MON2: variants seen among roughly 807,000 people sequenced by gnomAD.
The protein encoded by MON2 is MON2 regulator of endosome-to-Golgi trafficking.
A neutral mutation model predicts 208.6 loss-of-function variants in MON2; 84 were observed. That is an observed-to-expected ratio of 0.40 (90% CI 0.34 to 0.48). The LOEUF is 0.48. MON2 is among the 20% of genes least tolerant of loss of function. The probability of loss-of-function intolerance (pLI) is 0.59; values close to 1 mark genes in which losing one functional copy is unlikely to be tolerated. For missense variants in MON2, 1,611 were observed against 2,015.4 expected (o/e 0.80, Z 3.84); for synonymous variants, 660 against 694.0 (o/e 0.95, Z 0.77).
chr12:62,491,909 T>G (rs2070162461), intron 2 of MON2, among the ~76,000 whole-genome samples: 1 of 152,224 alleles, frequency 6.6e-6, no homozygotes. Flanking sequence ...GGATATTTAA[T>G]CATTTTATTG....
intron 23 of MON2, among the ~76,000 whole-genome samples, chr12:62,550,932 T>C (rs2073713627): frequency 7.2e-6 from 1 of 139,548 alleles, no homozygotes; most frequent in African/African-American, 2.7e-5. Flanking sequence ...TTTTTTTTTT[T>C]TTCTGAGACG....
intron 33 of MON2, among the ~76,000 whole-genome samples, chr12:62,586,055 G>C (rs2136487294): frequency 6.6e-6 from 1 of 152,272 alleles, no homozygotes; most frequent in South Asian, 2.1e-4. Context: ...AGGCTTTTCT[G>C]ATCAGCCAAG....
At chr12:62,518,989 T>TCTTATTTCTCTTATTTCTC (rs2071854862) in intron 8 of MON2, among the ~76,000 whole-genome samples, 1 of 152,236 alleles carries the variant, frequency 6.6e-6, no homozygotes, top group African/African-American at 2.4e-5. Flanking sequence ...CTTATTTCTC[T>TCTTATTTCTCTTATTTCTC]GTATTTTCTT....
chr12:62,470,351 C>T (rs2068733673), intron 1 of MON2, among the ~76,000 whole-genome samples: 1 of 152,018 alleles, frequency 6.6e-6, no homozygotes, highest in East Asian at 1.9e-4. Context: ...TTTTTCCTAC[C>T]TTACTGTTTT....
intron 1 of MON2, among the ~76,000 whole-genome samples, chr12:62,478,915 T>G (rs1475586936): frequency 6.6e-6 from 1 of 152,162 alleles, no homozygotes; most frequent in Admixed American, 6.5e-5. Flanking sequence ...ACTTCATGGC[T>G]GATTAGACTT....
chr12:62,571,091 A>G (rs1437990711), intron 29 of MON2, among the ~76,000 whole-genome samples: 4 of 152,142 alleles, frequency 2.6e-5, no homozygotes, highest in Non-Finnish European at 5.9e-5. Context: ...TCCTTCTCTT[A>G]ACTTTTCAGA....
intron 19 of MON2, among the ~76,000 whole-genome samples, chr12:62,539,046 A>G (rs573705992): frequency 4.6e-5 from 7 of 152,262 alleles, no homozygotes; most frequent in Admixed American, 1.3e-4. Flanking sequence ...ATACTACTAA[A>G]AATATCACTT....
chr12:62,516,200 G>A (rs568588829), intron 8 of MON2, among the ~76,000 whole-genome samples: 3 of 152,230 alleles, frequency 2.0e-5, no homozygotes, highest in South Asian at 4.1e-4. Context: ...GTTCTCACTC[G>A]TTTGTAAGAG....
chr12:62,596,856 T>A lies in MON2; in HGVS notation c.*4107T>A, dbSNP rs192441347. The A allele has an allele frequency of 1.2e-3, 188 of 152,336 alleles. 1 individual carries two copies. The highest frequency in any genetic ancestry group is 4.4e-3 in the African/African-American group (181 of 41,572). 9.4% of individuals were successfully genotyped at this position (152,336 alleles called of 1,614,324 possible). A position where few individuals can be genotyped will look rare whatever the true frequency, so the allele number is the denominator to read the frequency against. ...ATATACAGACCATTTCAGAGGAAGT[T>A]AAATGTCTTACAAATCCAATACTTT... is the stretch of plus-strand genomic sequence containing the variant. On this transcript the variant is annotated 3_prime_UTR_variant, in exon 35 of 35. Transcript: ENST00000393630.
chr12:62,501,822 A>G (rs2070848704), intron 7 of MON2, 124 bp downstream of exon 7: 3 of 1,013,564 alleles, frequency 3.0e-6, no homozygotes, highest in African/African-American at 3.2e-5. Flanking sequence ...TTGGTGGTTC[A>G]TGCCTGTAAT....
intron 7 of MON2, among the ~76,000 whole-genome samples, chr12:62,506,725 C>CA (rs11372859): frequency 0.67 from 96,642 of 144,588 alleles, 31,965 homozygotes; most frequent in African/African-American, 0.75. Flanking sequence ...AACTCCATCT[C>CA]AAAAAAAAAA....
chr12:62,484,184 A>G lies in MON2; in HGVS notation c.126A>G (p.Gly42=). 1 of 1,598,722 alleles carries G rather than the reference A, an allele frequency of 6.3e-7. No individual in the cohort carries two copies. The highest frequency in any genetic ancestry group is 8.5e-7 in the Non-Finnish European group (1 of 1,173,302). ...TATTCTTGCAGGCTGCTGAATCAGG[A>G]ATAATAAAAGTTAAAACAATTGCTG... The part of the protein sequence containing the change: ...FPPVKEAAES[G]IIKVKTIAAR... The change falls in exon 2 of 35, where the codon GGA becomes GGG. Residue 42 remains glycine, a synonymous_variant. Transcript: ENST00000393630.
At chr12:62,492,362 CTT>C (rs67979134) in intron 2 of MON2, among the ~76,000 whole-genome samples, 1 of 110,272 alleles carries the variant, frequency 9.1e-6, no homozygotes, top group Non-Finnish European at 1.8e-5. Context: ...AGAGTTAGTT[CTT>C]TTTTTTTTTT....
chr12:62,560,760 C>A lies in MON2; in HGVS notation c.3679C>A (p.Pro1227Thr). 6.2e-7 allele frequency: 1 copy of A among 1,614,054 alleles called. No homozygotes were observed. The highest frequency in any genetic ancestry group is 1.6e-4 in the Middle Eastern group (1 of 6,062). Residue 1227 changes from proline (P) to threonine (T), a missense_variant, in exon 26 of 35, where the codon CCA becomes ACA. Pro to Thr is a conservative substitution (Grantham distance 38). Transcript: ENST00000393630. The part of the protein sequence containing the change: ...EKLGRYSSSE[P>T]PIVTDELEDL... Reference sequence around the variant, plus strand: ...ACTAGGAAGATATAGTAGCTCTGAGCCACCCATTGTTACTGATGAGCTTGA... The same window carrying A: ...ACTAGGAAGATATAGTAGCTCTGAGACACCCATTGTTACTGATGAGCTTGA...
chr12:62,592,847 C>A lies in MON2; in HGVS notation c.*98C>A, dbSNP rs879061461. ...AGGACATTTCTTACTGCAGATAATT[C>A]TTGGCAGCTGTTGTTGGCCTCCTTT... On this transcript the variant is annotated 3_prime_UTR_variant, in exon 35 of 35. Coordinates refer to ENST00000393630, the MANE Select transcript of MON2 (RefSeq NM_015026.3). 3 of 1,239,248 alleles carry A rather than the reference C, an allele frequency of 2.4e-6. No homozygotes were observed. Among genetic ancestry groups the A allele is most frequent in the Non-Finnish European group, 3.3e-6 (3 of 909,928 alleles). The allele number at this position is 1,239,248 out of a possible 1,614,324, so 76.8% of individuals were successfully genotyped here. A position where few individuals can be genotyped will look rare whatever the true frequency, so the allele number is the denominator to read the frequency against.
intron 24 of MON2, among the ~76,000 whole-genome samples, chr12:62,553,520 G>A (rs1324410130): frequency 6.6e-6 from 1 of 152,072 alleles, no homozygotes; most frequent in Non-Finnish European, 1.5e-5. Context: ...AGAGTAGAAA[G>A]CTTTTGGGGT....
Position 62,476,437 on chromosome 12 carries a change from C to CT in MON2, c.112-7718dup, listed in dbSNP as rs113521160. Reference sequence around the variant, plus strand: ...TAAGTTGCCATTAACTTGAATTTCACTTTTTTTTTTTTTTTGAGGCAGAGT... The same window carrying CT: ...TAAGTTGCCATTAACTTGAATTTCACTTTTTTTTTTTTTTTTGAGGCAGAGT... On this transcript the variant is annotated intron_variant, in intron 1 of 34. Coordinates refer to ENST00000393630, the MANE Select transcript of MON2 (RefSeq NM_015026.3). Among the ~76,000 whole-genome samples the CT allele has an allele frequency of 8.7e-3, 1,232 of 141,872 alleles. 8 individuals carry two copies. The highest frequency in any genetic ancestry group is 0.012 in the Non-Finnish European group (775 of 64,504). The allele number at this position is 141,872 out of a possible 152,430, so 93.1% of individuals were successfully genotyped here.
At chr12:62,541,545 CTG>C (rs1167785262) in intron 19 of MON2, among the ~76,000 whole-genome samples, 1 of 152,156 alleles carries the variant, frequency 6.6e-6, no homozygotes, top group African/African-American at 2.4e-5. Context: ...TAAAACAACT[CTG>C]TGAGATTTAG....
At chr12:62,490,884 T>A (rs758052057) in intron 2 of MON2, among the ~76,000 whole-genome samples, 1 of 152,092 alleles carries the variant, frequency 6.6e-6, no homozygotes, top group Non-Finnish European at 1.5e-5. Context: ...TAGACCTGGT[T>A]GTAGCCAACA....
Sources: allele counts gnomAD v4.1 joint callset (sites outside exome capture counted in the v4.1 genomes callset), GRCh38; gene constraint gnomAD v4.1.1; transcripts MANE v1.5; gene names NCBI Gene and HGNC (gene_info 2026-07-23, HGNC 2026-07-21).